Variants in TNFSF4 observed in about 807,000 individuals in gnomAD.
TNFSF4 encodes the protein TNF superfamily member 4.
In TNFSF4, 4 loss-of-function variants were observed where a neutral mutation model predicts 7.3. That is an observed-to-expected ratio of 0.55 (90% CI 0.27 to 1.25). The LOEUF is 1.25. Ranked by LOEUF, TNFSF4 falls within the 50% of genes most tolerant of loss-of-function variation. TNFSF4 has a pLI of 0.12. For missense variants in TNFSF4, 181 were observed against 208.8 expected (o/e 0.87, Z 0.82); for synonymous variants, 76 against 83.7 (o/e 0.91, Z 0.50).
At chr1:173,300,925 T>C in the TNFSF4 span, among the ~76,000 whole-genome samples, 2 of 142,156 alleles carry the variant, frequency 1.4e-5, no homozygotes, top group Non-Finnish European at 3.1e-5. Flanking sequence ...AATGTCATTG[T>C]AGTTTTTATG....
chr1:173,410,767 C>A, the TNFSF4 span, among the ~76,000 whole-genome samples: 1 of 152,178 alleles, frequency 6.6e-6, no homozygotes, highest in Non-Finnish European at 1.5e-5. Flanking sequence ...CATTTCCTAC[C>A]TGCTGCTAGT....
the TNFSF4 span, among the ~76,000 whole-genome samples, chr1:173,267,956 C>T: frequency 6.6e-6 from 1 of 151,954 alleles, no homozygotes; most frequent in Non-Finnish European, 1.5e-5. Context: ...AAGCAAATGA[C>T]AGCAGATTTC....
chr1:173,258,271 C>T, the TNFSF4 span, among the ~76,000 whole-genome samples: 2 of 151,924 alleles, frequency 1.3e-5, no homozygotes, highest in African/African-American at 4.8e-5. Flanking sequence ...GCACCTTCAA[C>T]GGAGGTATGC....
chr1:173,350,825 C>A, the TNFSF4 span, among the ~76,000 whole-genome samples: 1 of 152,116 alleles, frequency 6.6e-6, no homozygotes, highest in South Asian at 2.1e-4. Context: ...TACTAATGAC[C>A]CCTTGGCCAG....
chr1:173,353,680 C>A, the TNFSF4 span, among the ~76,000 whole-genome samples: 1 of 152,140 alleles, frequency 6.6e-6, no homozygotes, highest in African/African-American at 2.4e-5. Flanking sequence ...TCTTTTTCAA[C>A]CACTGCTCAT....
At chr1:173,381,404 G>C in the TNFSF4 span, among the ~76,000 whole-genome samples, 1 of 152,200 alleles carries the variant, frequency 6.6e-6, no homozygotes, top group East Asian at 1.9e-4. Context: ...CCAACCTGTG[G>C]AGTTGGGCAA....
the TNFSF4 span, among the ~76,000 whole-genome samples, chr1:173,399,095 G>A: frequency 6.6e-6 from 1 of 152,174 alleles, no homozygotes; most frequent in Non-Finnish European, 1.5e-5. Flanking sequence ...CCATAAAGTT[G>A]GGTGTACACA....
At chr1:173,317,048 T>C in the TNFSF4 span, among the ~76,000 whole-genome samples, 4 of 152,194 alleles carry the variant, frequency 2.6e-5, no homozygotes, top group Non-Finnish European at 4.4e-5. Context: ...ATTCTGGGAC[T>C]TCAGTCATAA....
the TNFSF4 span, among the ~76,000 whole-genome samples, chr1:173,367,964 C>G: frequency 6.6e-6 from 1 of 152,086 alleles, no homozygotes; most frequent in Non-Finnish European, 1.5e-5. Context: ...CACTCTGTAG[C>G]TAGGATTGTA....
At chr1:173,446,102 G>C in the TNFSF4 span, among the ~76,000 whole-genome samples, 1 of 152,004 alleles carries the variant, frequency 6.6e-6, no homozygotes, top group African/African-American at 2.4e-5. Flanking sequence ...TAATTTGCAT[G>C]AAAAGTACAG....
the TNFSF4 span, among the ~76,000 whole-genome samples, chr1:173,390,103 G>A: frequency 6.6e-6 from 1 of 152,018 alleles, no homozygotes; most frequent in Non-Finnish European, 1.5e-5. Flanking sequence ...TCTTGGTTTG[G>A]ATGTTATTAG....
chr1:173,189,994 G>A (rs1230430246), intron 1 of TNFSF4, among the ~76,000 whole-genome samples: 1 of 151,364 alleles, frequency 6.6e-6, no homozygotes, highest in African/African-American at 2.4e-5. Context: ...CAGATCAGCT[G>A]AGGTCAGGAG....
chr1:173,181,069 G>A (rs1023054178), downstream of TNFSF4, among the ~76,000 whole-genome samples: 2 of 152,148 alleles, frequency 1.3e-5, no homozygotes, highest in African/African-American at 4.8e-5. Context: ...AATGATCATA[G>A]GATTATAGAA....
chr1:173,332,568 C>G, the TNFSF4 span, among the ~76,000 whole-genome samples: 1 of 151,154 alleles, frequency 6.6e-6, no homozygotes, highest in African/African-American at 2.4e-5. Context: ...AAATAAACAT[C>G]TGTTGGGCCA....
In TNFSF4 at chr1:173,186,721, C is replaced by T. The variant is rs146261831; in HGVS notation, c.347G>A (p.Ser116Asn). The T allele has an allele frequency of 3.3e-4, 531 of 1,613,988 alleles. 1 individual carries two copies. The highest frequency in any genetic ancestry group is 4.1e-4 in the Non-Finnish European group (485 of 1,180,020). Residue 116 changes from serine (S) to asparagine (N), a missense_variant, in exon 3 of 3, where the codon AGC becomes AAC. Coordinates refer to ENST00000281834, the MANE Select transcript of TNFSF4 (RefSeq NM_003326.5). ...CTCCTCATCCTTCTGGTAATGAAGG[C>T]TAATGTTGACTTCCTGGGAGAAGTA... ...KGYFSQEVNI[S>N]LHYQKDEEPL... is the part of the protein sequence containing the mutation.
At chr1:173,399,028 A>G in the TNFSF4 span, among the ~76,000 whole-genome samples, 1 of 152,190 alleles carries the variant, frequency 6.6e-6, no homozygotes, top group Admixed American at 6.5e-5. Context: ...ACTGTGGGTG[A>G]CCAAATTACC....
chr1:173,196,745 T>C (rs1428026586), intron 1 of TNFSF4, among the ~76,000 whole-genome samples: 1 of 152,214 alleles, frequency 6.6e-6, no homozygotes, highest in Non-Finnish European at 1.5e-5. Context: ...CAACTCTTCA[T>C]ATCGTCAGAG....
upstream of TNFSF4, chr1:173,207,433 T>A: frequency 5.1e-6 from 1 of 197,710 alleles, no homozygotes; most frequent in Non-Finnish European, 1.0e-5. Context: ...ACTTTCTTTC[T>A]TTTTTTTTTT....
chr1:173,193,875 T>A (rs1341808363), intron 1 of TNFSF4, among the ~76,000 whole-genome samples: 3 of 152,104 alleles, frequency 2.0e-5, no homozygotes, highest in African/African-American at 7.2e-5. Flanking sequence ...TGGCAGCAGC[T>A]GATAATGCAA....
Sources: gnomAD v4.1 joint callset for allele counts (sites outside exome capture counted in the v4.1 genomes callset) on GRCh38, gnomAD v4.1.1 for gene constraint, MANE v1.5 for transcripts, NCBI Gene and HGNC (gene_info 2026-07-23, HGNC 2026-07-21) for gene names.